WDFY4: variants seen among roughly 807,000 people sequenced by gnomAD.
WDFY4 encodes the protein WDFY family member 4, also known as WD repeat- and FYVE domain-containing protein 4.
In WDFY4, 169 loss-of-function variants were observed where a neutral mutation model predicts 351.9. That is an observed-to-expected ratio of 0.48 (90% CI 0.42 to 0.55). WDFY4 has a LOEUF of 0.55. WDFY4 is among the 20% of genes least tolerant of loss of function. WDFY4 has a pLI of 0.00. For missense variants in WDFY4, 3,803 were observed against 3,935.6 expected, an observed-to-expected ratio of 0.97 and a Z score of 0.90; for synonymous variants, 1,622 against 1,574.6, an observed-to-expected ratio of 1.03 and a Z score of -0.71.
chr10:48,740,576 T>C (rs2064820552), intron 11 of WDFY4, among the ~76,000 whole-genome samples: 1 of 152,204 alleles, frequency 6.6e-6, no homozygotes, highest in African/African-American at 2.4e-5. Flanking sequence ...AGGAACCTAC[T>C]CCAACAATCC....
intron 12 of WDFY4, among the ~76,000 whole-genome samples, chr10:48,747,938 G>A (rs895347617): frequency 2.6e-5 from 4 of 152,330 alleles, no homozygotes; most frequent in East Asian, 3.9e-4. Flanking sequence ...CTGCCCTTCT[G>A]TAGGTATGGG....
intron 52 of WDFY4, among the ~76,000 whole-genome samples, chr10:48,957,605 T>C (rs193036416): frequency 5.9e-5 from 9 of 152,330 alleles, no homozygotes; most frequent in Admixed American, 5.9e-4. Context: ...ACTGCCTTTC[T>C]GCCTCGAGAC....
At chr10:48,787,565 TG>T (rs2066444524) in intron 20 of WDFY4, among the ~76,000 whole-genome samples, 1 of 152,222 alleles carries the variant, frequency 6.6e-6, no homozygotes, top group Admixed American at 6.5e-5. Context: ...TAATTCAAAC[TG>T]GGGTGTTTGC....
At chr10:48,843,463 T>C (rs1324304422) in intron 39 of WDFY4, among the ~76,000 whole-genome samples, 1 of 152,182 alleles carries the variant, frequency 6.6e-6, no homozygotes, top group East Asian at 1.9e-4. Context: ...AGATGACACA[T>C]GGTCCTTATA....
chr10:48,912,507 C>A (rs185693265), intron 47 of WDFY4, among the ~76,000 whole-genome samples: 6 of 152,346 alleles, frequency 3.9e-5, no homozygotes, highest in African/African-American at 1.2e-4. Flanking sequence ...CGACTGGGAT[C>A]TCCTGAATGC....
At chr10:48,972,929 T>A (rs765701006) in intron 57 of WDFY4, among the ~76,000 whole-genome samples, 2 of 152,208 alleles carry the variant, frequency 1.3e-5, no homozygotes, top group Non-Finnish European at 2.9e-5. Flanking sequence ...GAAGTATTAT[T>A]CTGAGAAAAC....
intron 12 of WDFY4, chr10:48,746,210 G>T (rs530508996): frequency 6.6e-6 from 1 of 152,356 alleles, no homozygotes; most frequent in Non-Finnish European, 1.5e-5. Flanking sequence ...AAGTGGATGT[G>T]TCAATTTCTG....
chr10:48,910,739 T>A (rs755283129), intron 47 of WDFY4: 33 of 165,216 alleles, frequency 2.0e-4, no homozygotes, highest in Non-Finnish European at 3.4e-4. Context: ...AGGCAAAGCA[T>A]GATAAAGCCC....
intron 47 of WDFY4, among the ~76,000 whole-genome samples, chr10:48,902,261 A>C (rs933531811): frequency 6.6e-6 from 1 of 152,208 alleles, no homozygotes; most frequent in African/African-American, 2.4e-5. Flanking sequence ...CTAAATTCAT[A>C]CAAGTTGGTG....
intron 31 of WDFY4, among the ~76,000 whole-genome samples, chr10:48,815,814 A>C (rs2067600627): frequency 6.6e-6 from 1 of 151,876 alleles, no homozygotes; most frequent in Non-Finnish European, 1.5e-5. Flanking sequence ...GACCTCATTT[A>C]GTCACTCTGT....
intron 39 of WDFY4, among the ~76,000 whole-genome samples, chr10:48,844,261 T>A (rs2068703824): frequency 6.6e-6 from 1 of 151,894 alleles, no homozygotes; most frequent in African/African-American, 2.4e-5. Context: ...GAAGGAGAGA[T>A]GGAATGTGGA....
chr10:48,791,920 G>A (rs1002752717), intron 23 of WDFY4, among the ~76,000 whole-genome samples: 5 of 152,114 alleles, frequency 3.3e-5, no homozygotes, highest in African/African-American at 9.7e-5. Context: ...CCTGTCCCTC[G>A]TAGCCCACTG....
chr10:48,790,338 G>A (rs534076013), intron 22 of WDFY4, among the ~76,000 whole-genome samples: 10 of 152,224 alleles, frequency 6.6e-5, no homozygotes, highest in Non-Finnish European at 1.0e-4. Flanking sequence ...TTGAGCAATA[G>A]CAAGGCAACA....
At chr10:48,791,343 T>C (rs2066672852) in intron 23 of WDFY4, among the ~76,000 whole-genome samples, 1 of 152,210 alleles carries the variant, frequency 6.6e-6, no homozygotes, top group African/African-American at 2.4e-5. Flanking sequence ...TGGACTGTAA[T>C]AGGGTTGCAG....
intron 12 of WDFY4, among the ~76,000 whole-genome samples, chr10:48,760,141 A>G (rs866880649): frequency 4.6e-5 from 7 of 152,222 alleles, no homozygotes; most frequent in South Asian, 2.1e-4. Context: ...GCATTCTTCT[A>G]TGACTGTAGG....
chr10:48,697,055 G>A (rs2063349986), intron 1 of WDFY4, among the ~76,000 whole-genome samples: 1 of 152,184 alleles, frequency 6.6e-6, no homozygotes, highest in Non-Finnish European at 1.5e-5. Context: ...GAGGGACTAG[G>A]TTCAGGGTGG....
intron 61 of WDFY4, among the ~76,000 whole-genome samples, chr10:48,982,164 G>T (rs1842837529): frequency 6.6e-6 from 1 of 152,238 alleles, no homozygotes; most frequent in Non-Finnish European, 1.5e-5. Flanking sequence ...ACTTTTTGCA[G>T]AGAACTTGCC....
chr10:48,909,819 G>A (rs190599223), intron 47 of WDFY4: 16 of 165,084 alleles, frequency 9.7e-5, no homozygotes, highest in African/African-American at 3.4e-4. Context: ...GTTTGGAGGA[G>A]ACAAATGCCC....
At chr10:48,926,658 T>C (rs1422624557) in intron 47 of WDFY4, among the ~76,000 whole-genome samples, 2 of 152,328 alleles carry the variant, frequency 1.3e-5, no homozygotes, top group Non-Finnish European at 2.9e-5. Flanking sequence ...TTCATTTTCA[T>C]AGATGTACCA....
Sources: gnomAD v4.1 joint callset for allele counts (sites outside exome capture counted in the v4.1 genomes callset) on GRCh38, gnomAD v4.1.1 for gene constraint, MANE v1.5 for transcripts, NCBI Gene and HGNC (gene_info 2026-07-23, HGNC 2026-07-21) for gene names.